The following STAG1 variants were observed in gnomAD, a reference collection of about 807,000 sequenced individuals.
STAG1 encodes the protein cohesin subunit SA-1.
Under a neutral mutation model 170.9 loss-of-function variants are expected in STAG1, and 26 were observed. The ratio of observed to expected loss-of-function variants is 0.15; its 90% CI spans 0.11 to 0.21. STAG1 has a LOEUF of 0.21. Ranked by LOEUF, STAG1 falls within the 10% of genes least tolerant of loss-of-function variation. STAG1 has a pLI of 1.00. For synonymous variants in STAG1, 514 were observed against 497.7 expected (o/e 1.03, Z -0.44); for missense variants, 964 against 1,509.5 (o/e 0.64, Z 5.99).
intron 3 of STAG1, among the ~76,000 whole-genome samples, chr3:136,621,361 A>C (rs1939841304): frequency 1.3e-5 from 2 of 152,228 alleles, no homozygotes; most frequent in Non-Finnish European, 2.9e-5. Flanking sequence ...TCATTCTCCT[A>C]CCTTTAAGCA....
chr3:136,532,066 C>T (rs1337991344), intron 6 of STAG1, among the ~76,000 whole-genome samples: 6 of 151,482 alleles, frequency 4.0e-5, no homozygotes, highest in East Asian at 1.9e-4. Flanking sequence ...AAAAATACAA[C>T]GGATCAATAA....
chr3:136,354,775 A>G (rs1936578390), intron 28 of STAG1, among the ~76,000 whole-genome samples: 1 of 148,954 alleles, frequency 6.7e-6, no homozygotes, highest in Non-Finnish European at 1.5e-5. Context: ...AAAACCAAAA[A>G]ACAAAAACAA....
rs888380594 is a variant in STAG1, at chr3:136,533,641, A to C, written c.471+8478T>G. 2.6e-5 allele frequency among the ~76,000 whole-genome samples: 4 copies of C among 152,320 alleles called. No individual in the cohort carries two copies. The South Asian group carries it at 6.2e-4, about 24-fold the overall frequency. On this transcript the variant is annotated intron_variant, in intron 6 of 33. Transcript: ENST00000383202. ...CCAGATATCTTGTGAATTCAAAGTG[A>C]GAATTCACTTGTTACTGCAAGGAGG...
At chr3:136,691,633 G>A (rs557955800) in intron 1 of STAG1, among the ~76,000 whole-genome samples, 1 of 152,206 alleles carries the variant, frequency 6.6e-6, no homozygotes, top group Non-Finnish European at 1.5e-5. Context: ...GGGAAGTGCA[G>A]GATGTCCTGA....
chr3:136,371,430 T>G (rs1476312615), intron 23 of STAG1, among the ~76,000 whole-genome samples: 2 of 152,188 alleles, frequency 1.3e-5, no homozygotes, highest in African/African-American at 2.4e-5. Context: ...AGTCCTTGCC[T>G]GTGCCTATGT....
intron 1 of STAG1, among the ~76,000 whole-genome samples, chr3:136,681,472 C>A (rs1292405049): frequency 6.6e-6 from 1 of 152,090 alleles, no homozygotes; most frequent in African/African-American, 2.4e-5. Context: ...TTAACTCAGG[C>A]ACAATCCAAA....
chr3:136,538,085 CTTGAG>C (rs779967746), intron 6 of STAG1, among the ~76,000 whole-genome samples: 11 of 152,088 alleles, frequency 7.2e-5, no homozygotes, highest in Non-Finnish European at 1.3e-4. Context: ...AATACTGAGT[CTTGAG>C]TTATTAGCCT....
At chr3:136,525,257 G>T (rs7615706) in intron 6 of STAG1, among the ~76,000 whole-genome samples, 56,823 of 151,890 alleles carry the variant, frequency 0.37, 11,758 homozygotes, top group African/African-American at 0.56. Context: ...CTATTAATTA[G>T]TGTCTCAATT....
At chr3:136,675,995 T>A (rs945986796) in intron 1 of STAG1, among the ~76,000 whole-genome samples, 1 of 152,260 alleles carries the variant, frequency 6.6e-6, no homozygotes, top group Admixed American at 6.5e-5. Flanking sequence ...CTAAGCTATA[T>A]GGTATAGCCT....
intron 30 of STAG1, 84 bp from the exon 31 acceptor site, chr3:136,341,635 GT>G: frequency 1.2e-6 from 1 of 849,172 alleles, no homozygotes; most frequent in Non-Finnish European, 1.9e-6. Context: ...GCCAAGGTAG[GT>G]TTACTTAATC....
chr3:136,745,745 A>T (rs1478384790), intron 1 of STAG1, among the ~76,000 whole-genome samples: 2 of 152,188 alleles, frequency 1.3e-5, no homozygotes, highest in Non-Finnish European at 2.9e-5. Context: ...ACAGGTATCC[A>T]ATCTTTTGGC....
chr3:136,369,392 AT>A, intron 23 of STAG1, 110 bp from the exon 24 acceptor site: 1 of 762,432 alleles, frequency 1.3e-6, no homozygotes, highest in Non-Finnish European at 1.9e-6. Context: ...GTACCATAAT[AT>A]AAATTTTCAG....
chr3:136,442,000 C>A (rs1193773683), intron 15 of STAG1, among the ~76,000 whole-genome samples: 1 of 152,106 alleles, frequency 6.6e-6, no homozygotes, highest in African/African-American at 2.4e-5. Context: ...GAGTTCAAGA[C>A]GAGCCTGGTC....
intron 3 of STAG1, among the ~76,000 whole-genome samples, chr3:136,619,449 C>T (rs900256933): frequency 6.6e-6 from 1 of 151,556 alleles, no homozygotes; most frequent in Admixed American, 6.6e-5. Context: ...GTAGAGGTGG[C>T]GATTTGCAAT....
At chr3:136,608,797 C>CAAAAAAAA (rs34993713) in intron 3 of STAG1, among the ~76,000 whole-genome samples, 5 of 79,186 alleles carry the variant, frequency 6.3e-5, no homozygotes, top group African/African-American at 9.9e-5. Flanking sequence ...GACCCTATCT[C>CAAAAAAAA]AAAAAAAAAA....
intron 3 of STAG1, among the ~76,000 whole-genome samples, chr3:136,619,779 A>AT (rs1939762947): frequency 6.7e-6 from 1 of 149,742 alleles, no homozygotes; most frequent in Non-Finnish European, 1.5e-5. Context: ...AAAAAAAAAA[A>AT]GGAGAGGCCG....
At chr3:136,733,923 C>T (rs543006710) in intron 1 of STAG1, among the ~76,000 whole-genome samples, 90 of 152,028 alleles carry the variant, frequency 5.9e-4, no homozygotes, top group Middle Eastern at 3.4e-3. Context: ...CTGGCTAACA[C>T]GGTGAAACCC....
chr3:136,377,344 G>A (rs1266490682), intron 23 of STAG1, among the ~76,000 whole-genome samples: 5 of 109,506 alleles, frequency 4.6e-5, no homozygotes, highest in Admixed American at 1.4e-4. Context: ...CCGAGATTGC[G>A]CCACTGCACT....
At chr3:136,475,665 C>T (rs760094069) in intron 10 of STAG1, among the ~76,000 whole-genome samples, 7 of 152,110 alleles carry the variant, frequency 4.6e-5, no homozygotes, top group South Asian at 2.1e-4. Flanking sequence ...TAGTTCCTGA[C>T]GTAGGACAGC....
Sources: gnomAD v4.1 joint callset for allele counts (sites outside exome capture counted in the v4.1 genomes callset) on GRCh38, gnomAD v4.1.1 for gene constraint, MANE v1.5 for transcripts, NCBI Gene and HGNC (gene_info 2026-07-23, HGNC 2026-07-21) for gene names.